Variants in SIGLEC7 observed in about 807,000 individuals in gnomAD.
SIGLEC7 encodes sialic acid-binding Ig-like lectin 7.
In SIGLEC7, 33 loss-of-function variants were observed where a neutral mutation model predicts 40.8. The observed-to-expected ratio is 0.81, with a 90% CI of 0.61 to 1.08. The LOEUF (loss-of-function observed/expected upper bound fraction) is 1.08. Among genes scored for constraint, SIGLEC7 ranks in the 50% least tolerant of loss-of-function variants. The probability of loss-of-function intolerance (pLI) is 0.00; values close to 1 mark genes in which losing one functional copy is unlikely to be tolerated. For missense variants in SIGLEC7, 513 were observed against 576.1 expected, an observed-to-expected ratio of 0.89 and a Z score of 1.12; for synonymous variants, 242 against 237.6, an observed-to-expected ratio of 1.02 and a Z score of -0.17.
chr19:51,147,176 C>A (rs1394796546), intron 5 of SIGLEC7, 45 bp from the exon 6 acceptor site: 4 of 1,609,208 alleles, frequency 2.5e-6, no homozygotes, highest in East Asian at 2.2e-5. Context: ...GCCCACTGCA[C>A]CCCGATCTGA....
chr19:51,146,208 C>G, intron 4 of SIGLEC7, 87 bp downstream of exon 4: 1 of 1,526,578 alleles, frequency 6.6e-7, no homozygotes, highest in South Asian at 1.2e-5. Flanking sequence ...AGGGGGAGCT[C>G]AGCTCTGGTC....
At chr19:51,144,254 A>T in intron 1 of SIGLEC7, 152 bp from the exon 2 acceptor site, 1 of 1,190,094 alleles carries the variant, frequency 8.4e-7, no homozygotes, top group Non-Finnish European at 1.2e-6. Flanking sequence ...TGGGGGTGGC[A>T]GCGAAAGCCT....
chr19:51,150,026 A>G (rs150874066), intron 6 of SIGLEC7, among the ~76,000 whole-genome samples: 54 of 152,194 alleles, frequency 3.5e-4, no homozygotes, highest in Non-Finnish European at 6.6e-4. Context: ...GAAGTTATTT[A>G]TCATTTAAGA....
At chr19:51,146,639 T>G in intron 4 of SIGLEC7, 115 bp from the exon 5 acceptor site, 13 of 813,582 alleles carry the variant, frequency 1.6e-5, no homozygotes, top group Non-Finnish European at 2.2e-5. Flanking sequence ...TTCTTGCCCT[T>G]TGTTTCTGGG....
In SIGLEC7 at chr19:51,145,188, A is replaced by G. The variant is rs1236360454; in HGVS notation, c.760+229A>G. Among the ~76,000 whole-genome samples the G allele has an allele frequency of 6.6e-6, 1 of 152,160 alleles. No homozygotes were observed. Among genetic ancestry groups the G allele is most frequent in the African/African-American group, 2.4e-5 (1 of 41,426 alleles). ...CCCTCCTCAGCCCTGCAGCCAGGACAGGGGGAAATACATATAGCAGGAGCA... is the reference window on the plus strand; with the variant it reads ...CCCTCCTCAGCCCTGCAGCCAGGACGGGGGGAAATACATATAGCAGGAGCA... On this transcript the variant is annotated intron_variant, in intron 3 of 6. Transcript: ENST00000317643. This position sits in a 1 kb window ranked among gnomAD's most constrained non-coding sequence, Gnocchi z 4.3.
In SIGLEC7 at chr19:51,146,084, C is replaced by T. The variant is rs781648469; in HGVS notation, c.990C>T (p.His330=). ...CRAQNSLGSQ[H]VSLNLSLQQE... ...CTCAGAACTCTCTGGGTTCCCAGCA[C>T]GTTTCCCTGAACCTCTCCCTGCAAC... The change falls in exon 4 of 7, where the codon CAC becomes CAT. Residue 330 remains histidine (H), a synonymous_variant. Transcript: ENST00000317643. 19 of 1,614,088 alleles carry T rather than the reference C, an allele frequency of 1.2e-5. No individual in the cohort carries two copies. Among genetic ancestry groups the T allele is most frequent in the African/African-American group, 6.7e-5 (5 of 74,924 alleles).
intron 6 of SIGLEC7, among the ~76,000 whole-genome samples, chr19:51,152,133 G>C (rs1454202890): frequency 1.3e-5 from 2 of 152,154 alleles, no homozygotes; most frequent in Non-Finnish European, 2.9e-5. Flanking sequence ...GAGGCTCCAG[G>C]GGAGGATGCA....
Position 51,153,368 on chromosome 19 carries a change from T to C in SIGLEC7, c.*123T>C. The stretch of plus-strand genomic sequence containing the variant: ...GCAACAAGACATCAGAACTTATTCC[T>C]CTTGTCTAACTGAAAATGCATGCCT... On this transcript the variant is annotated 3_prime_UTR_variant, in exon 7 of 7. Transcript: ENST00000317643. 2 of 750,350 alleles carry C rather than the reference T, an allele frequency of 2.7e-6. No homozygotes were observed. The highest frequency in any genetic ancestry group is 4.0e-6 in the Non-Finnish European group (2 of 499,374). The allele number at this position is 750,350 out of a possible 1,614,324, so 46.5% of individuals were successfully genotyped here.
intron 4 of SIGLEC7, 48 bp from the exon 5 acceptor site, chr19:51,146,706 C>T (rs368119903): frequency 6.5e-7 from 1 of 1,544,750 alleles, no homozygotes; most frequent in Non-Finnish European, 8.9e-7. Context: ...GGAGAAGAGA[C>T]CCAGTTCTTG....
rs2092078538 is a variant in SIGLEC7, at chr19:51,142,800, C to T, written c.431C>T (p.Thr144Ile). 1 of 1,585,628 alleles carries T rather than the reference C, an allele frequency of 6.3e-7. No homozygotes were observed. The change falls in exon 1 of 7, where the codon ACA becomes ATA. Residue 144 changes from threonine to isoleucine, a missense_variant and splice_region_variant. Transcript: ENST00000317643. The surrounding 1 kb of genome is among the most constrained non-coding windows in gnomAD (Gnocchi z 5.0). ...TATGACCAGCTCTCTGTGAACGTGA[C>T]AGGTAAGGCACGGGCTCCAAGAGAG... Reference protein sequence around the residue: ...YKYDQLSVNVTALTHRPNILI... With the variant: ...YKYDQLSVNVIALTHRPNILI...
chr19:51,144,788 T>C, intron 2 of SIGLEC7, 104 bp downstream of exon 2: 1 of 1,578,590 alleles, frequency 6.3e-7, no homozygotes, highest in Non-Finnish European at 8.7e-7. Flanking sequence ...TCCCAGAATC[T>C]GGGCTGGTTG....
intron 6 of SIGLEC7, among the ~76,000 whole-genome samples, chr19:51,148,978 T>A (rs754961676): frequency 1.1e-4 from 17 of 152,224 alleles, no homozygotes; most frequent in Non-Finnish European, 2.4e-4. Flanking sequence ...TGGCCAAAAA[T>A]GTCTGTTCAT....
intron 6 of SIGLEC7, among the ~76,000 whole-genome samples, chr19:51,150,726 A>G (rs1387444300): frequency 6.6e-6 from 1 of 152,166 alleles, no homozygotes; most frequent in Non-Finnish European, 1.5e-5. Context: ...CAGATCTGAC[A>G]TTTATTGTGT....
chr19:51,144,722 G>A (rs749210431), intron 2 of SIGLEC7, 38 bp downstream of exon 2: 3 of 1,602,984 alleles, frequency 1.9e-6, no homozygotes, highest in African/African-American at 1.3e-5. Context: ...CCCTGATGAG[G>A]GGGGGACGTC....
At chr19:51,148,537 CA>C (rs1201478539) in intron 6 of SIGLEC7, among the ~76,000 whole-genome samples, 5 of 152,312 alleles carry the variant, frequency 3.3e-5, no homozygotes, top group Non-Finnish European at 7.4e-5. Context: ...TTTATGGCTG[CA>C]CAGTATTCCA....
rs764351391 is a variant in SIGLEC7, at chr19:51,142,468, C to T, written c.99C>T (p.Ser33=). 7.5e-5 allele frequency: 121 copies of T among 1,614,022 alleles called. No homozygotes were observed. Among genetic ancestry groups the T allele is most frequent in the Non-Finnish European group, 9.4e-5 (111 of 1,180,034 alleles). ...RKDYSLTMQS[S]VTVQEGMCVH... ...ATTACTCGCTGACGATGCAGAGTTC[C>T]GTGACCGTGCAAGAGGGCATGTGTG... is the stretch of plus-strand genomic sequence containing the variant. Residue 33 remains serine (S), a synonymous_variant, in exon 1 of 7, where the codon TCC becomes TCT. Coordinates refer to ENST00000317643, the MANE Select transcript of SIGLEC7 (RefSeq NM_014385.4). The surrounding 1 kb of genome is among the most constrained non-coding windows in gnomAD (Gnocchi z 5.0).
rs2092072735 is a variant in SIGLEC7, at chr19:51,142,308, C to T, written c.-62C>T. ...CTTCTAAGTCTTGAGCCCGCAGTTC[C>T]TGAGAGAAGAACCCTGAGGAACAGA... On this transcript the variant is annotated 5_prime_UTR_variant, in exon 1 of 7. Transcript: ENST00000317643. The surrounding 1 kb of genome is among the most constrained non-coding windows in gnomAD (Gnocchi z 5.0). 6.4e-7 allele frequency: 1 copy of T among 1,573,408 alleles called. No homozygotes were observed. Among genetic ancestry groups the T allele is most frequent in the Non-Finnish European group, 8.6e-7 (1 of 1,159,926 alleles).
At position 51,145,524 on chromosome 19, in the gene SIGLEC7, G is replaced by C. The variant is rs1398441433; in HGVS notation, c.761-331G>C. Among the ~76,000 whole-genome samples the C allele has an allele frequency of 6.6e-6, 1 of 152,142 alleles. No homozygotes were observed. ...TCTGATTTTGTGGCATCTCCTAATGGAAGATCATGGCACTAATTTTATCCT... is the reference window on the plus strand; with the variant it reads ...TCTGATTTTGTGGCATCTCCTAATGCAAGATCATGGCACTAATTTTATCCT... On this transcript the variant is annotated intron_variant, in intron 3 of 6. Coordinates refer to ENST00000317643, the MANE Select transcript of SIGLEC7 (RefSeq NM_014385.4). The surrounding 1 kb of genome is among the most constrained non-coding windows in gnomAD (Gnocchi z 4.3).
chr19:51,146,055 C>A lies in SIGLEC7; in HGVS notation c.961C>A (p.Arg321=). Residue 321 remains arginine (R), a synonymous_variant, in exon 4 of 7, where the codon CGA becomes AGA. Coordinates refer to ENST00000317643, the MANE Select transcript of SIGLEC7 (RefSeq NM_014385.4). Reference sequence around the variant, plus strand: ...GGGGGATGAAGGGGAATTCACCTGTCGAGCTCAGAACTCTCTGGGTTCCCA... The same window carrying A: ...GGGGGATGAAGGGGAATTCACCTGTAGAGCTCAGAACTCTCTGGGTTCCCA... ...HLGDEGEFTC[R]AQNSLGSQHV... The A allele has an allele frequency of 1.9e-6, 3 of 1,614,212 alleles. No homozygotes were observed. Among genetic ancestry groups the A allele is most frequent in the Non-Finnish European group, 2.5e-6 (3 of 1,180,030 alleles).
Sources: allele counts gnomAD v4.1 joint callset (sites outside exome capture counted in the v4.1 genomes callset), GRCh38; gene constraint gnomAD v4.1.1; non-coding constraint Gnocchi (gnomAD v3.1); transcripts MANE v1.5; gene names NCBI Gene and HGNC (gene_info 2026-07-23, HGNC 2026-07-21).